NTN1: variants seen among roughly 807,000 people sequenced by gnomAD.
The protein encoded by NTN1 is netrin 1, also known as netrin-1.
Under a neutral mutation model 54.2 loss-of-function variants are expected in NTN1, and 11 were observed. The ratio of observed to expected loss-of-function variants is 0.20; its 90% CI spans 0.13 to 0.34. The LOEUF is 0.34. NTN1 is among the 10% of genes least tolerant of loss of function. The probability of loss-of-function intolerance (pLI) is 1.00; values close to 1 mark genes in which losing one functional copy is unlikely to be tolerated. For synonymous variants in NTN1, 371 were observed against 382.0 expected, an observed-to-expected ratio of 0.97 and a Z score of 0.33; for missense variants, 740 against 893.1, an observed-to-expected ratio of 0.83 and a Z score of 2.18.
At chr17:9,095,393 A>G (rs1412883408) in intron 2 of NTN1, among the ~76,000 whole-genome samples, 1 of 152,216 alleles carries the variant, frequency 6.6e-6, no homozygotes, top group Non-Finnish European at 1.5e-5. Flanking sequence ...GCACTTTCAT[A>G]GCTTAATTTT....
chr17:9,132,284 G>A (rs1194193572), intron 2 of NTN1, among the ~76,000 whole-genome samples: 1 of 152,054 alleles, frequency 6.6e-6, no homozygotes, highest in Admixed American at 6.6e-5. Flanking sequence ...AACATTACAC[G>A]TTTCCACCTC....
the NTN1 span, among the ~76,000 whole-genome samples, chr17:9,012,010 C>T: frequency 6.6e-6 from 1 of 152,102 alleles, no homozygotes; most frequent in African/African-American, 2.4e-5. Flanking sequence ...TCTGTTAAAC[C>T]CTGGGGATTC....
intron 2 of NTN1, among the ~76,000 whole-genome samples, chr17:9,074,301 G>A (rs1198990043): frequency 6.6e-6 from 1 of 152,216 alleles, no homozygotes; most frequent in East Asian, 1.9e-4. Context: ...TTGGAGCTTG[G>A]TGCTGTGACT....
chr17:9,144,181 C>T (rs1277805066), intron 2 of NTN1, among the ~76,000 whole-genome samples: 3 of 152,064 alleles, frequency 2.0e-5, no homozygotes, highest in Non-Finnish European at 4.4e-5. Context: ...CAGACATGAG[C>T]CACTGCGCCC....
chr17:9,082,971 G>A (rs1308861417), intron 2 of NTN1, among the ~76,000 whole-genome samples: 3 of 152,154 alleles, frequency 2.0e-5, no homozygotes, highest in African/African-American at 2.4e-5. Flanking sequence ...CGTAAGCTTC[G>A]ATCATCATAG....
intron 2 of NTN1, among the ~76,000 whole-genome samples, chr17:9,133,754 A>ATTTTT (rs57053201): frequency 4.8e-5 from 5 of 104,536 alleles, no homozygotes; most frequent in Admixed American, 1.1e-4. Flanking sequence ...TGCCCAGCTA[A>ATTTTT]TTTTTTTTTT....
At chr17:9,193,031 G>A (rs1355699821) in intron 5 of NTN1, among the ~76,000 whole-genome samples, 2 of 140,508 alleles carry the variant, frequency 1.4e-5, no homozygotes, top group Non-Finnish European at 3.0e-5. Context: ...AGTGAGCCAG[G>A]ATCATGCCAC....
intron 6 of NTN1, among the ~76,000 whole-genome samples, chr17:9,233,375 T>C: frequency 6.6e-6 from 1 of 152,004 alleles, no homozygotes; most frequent in East Asian, 1.9e-4. Context: ...CTATAACTTC[T>C]GCACCGGCCG....
chr17:9,012,194 C>T, the NTN1 span, among the ~76,000 whole-genome samples: 2 of 152,034 alleles, frequency 1.3e-5, no homozygotes, highest in Non-Finnish European at 2.9e-5. Flanking sequence ...GAGCTCATCC[C>T]TACCACTCCC....
chr17:9,042,190 G>A (rs2091924399), intron 2 of NTN1, among the ~76,000 whole-genome samples: 1 of 152,022 alleles, frequency 6.6e-6, no homozygotes, highest in African/African-American at 2.4e-5. Flanking sequence ...CCATTCTGGT[G>A]GGTGTGAAGG....
At chr17:9,159,001 C>A (rs900617525) in intron 2 of NTN1, among the ~76,000 whole-genome samples, 1 of 152,146 alleles carries the variant, frequency 6.6e-6, no homozygotes, top group African/African-American at 2.4e-5. Context: ...AGTGACTTGG[C>A]AGTGACTCTA....
chr17:9,068,672 C>T (rs1047581826), intron 2 of NTN1, among the ~76,000 whole-genome samples: 3 of 151,808 alleles, frequency 2.0e-5, no homozygotes, highest in Non-Finnish European at 4.4e-5. Flanking sequence ...CCACACCCAG[C>T]TAATTTTGTA....
At chr17:9,231,381 G>A (rs527473454) in intron 6 of NTN1, among the ~76,000 whole-genome samples, 13 of 152,338 alleles carry the variant, frequency 8.5e-5, no homozygotes, top group Middle Eastern at 3.4e-3. Flanking sequence ...AGTTCATCCG[G>A]CAGCGCTCAG....
intron 2 of NTN1, among the ~76,000 whole-genome samples, chr17:9,136,158 A>AG (rs1308979891): frequency 6.6e-5 from 10 of 152,244 alleles, no homozygotes; most frequent in African/African-American, 2.4e-4. Context: ...GCCAGCAGCT[A>AG]GGGGCAGCAG....
Position 9,163,005 on chromosome 17 carries a change from G to T in NTN1, c.1207+4G>T. On this transcript the variant is annotated splice_donor_region_variant and intron_variant, in intron 3 of 6. Transcript: ENST00000173229. ...ACCCACCGGAAGGCCTGCAAAGGTG[G>T]GCTACACGTGGCGGGGCGGGGGGCT... 1.1e-5 allele frequency: 17 copies of T among 1,597,642 alleles called. No individual in the cohort carries two copies. Among genetic ancestry groups the T allele is most frequent in the Non-Finnish European group, 1.5e-5 (17 of 1,170,490 alleles).
chr17:9,142,509 T>G (rs2092301214), intron 2 of NTN1, among the ~76,000 whole-genome samples: 1 of 151,026 alleles, frequency 6.6e-6, no homozygotes, highest in African/African-American at 2.4e-5. Context: ...CTTTTGAGAA[T>G]AGGAGGTAAG....
At chr17:9,073,775 T>C (rs571409892) in intron 2 of NTN1, among the ~76,000 whole-genome samples, 2 of 152,364 alleles carry the variant, frequency 1.3e-5, no homozygotes, top group South Asian at 4.1e-4. Context: ...ATGGTCCCAC[T>C]TGGTGGGTGC....
chr17:9,161,272 C>T (rs575984309), intron 2 of NTN1, among the ~76,000 whole-genome samples: 1 of 152,248 alleles, frequency 6.6e-6, no homozygotes, highest in African/African-American at 2.4e-5. Flanking sequence ...ACGGGAGTGT[C>T]CTGGGAGGAA....
chr17:9,233,832 C>T (rs1481942438), intron 6 of NTN1, among the ~76,000 whole-genome samples: 1 of 150,394 alleles, frequency 6.6e-6, no homozygotes, highest in African/African-American at 2.5e-5. Flanking sequence ...GAAAAGACAC[C>T]CAGGGCTGGA....
Sources: allele counts gnomAD v4.1 joint callset (sites outside exome capture counted in the v4.1 genomes callset), GRCh38; gene constraint gnomAD v4.1.1; transcripts MANE v1.5; gene names NCBI Gene and HGNC (gene_info 2026-07-23, HGNC 2026-07-21).